The following PDE3B variants were observed in gnomAD, a reference collection of about 807,000 sequenced individuals.
PDE3B encodes cGMP-inhibited 3',5'-cyclic phosphodiesterase 3B.
Under a neutral mutation model 116.8 loss-of-function variants are expected in PDE3B, and 66 were observed. That is an observed-to-expected ratio of 0.56 (90% CI 0.46 to 0.69). The LOEUF is 0.69. PDE3B is among the 30% of genes least tolerant of loss of function. The pLI is 0.00. For missense variants in PDE3B, 1,384 were observed against 1,368.1 expected (o/e 1.01, Z -0.18); for synonymous variants, 595 against 533.6 (o/e 1.12, Z -1.59).
the PDE3B span, chr11:14,891,718 C>T: frequency 4.0e-6 from 5 of 1,265,326 alleles, no homozygotes; most frequent in Non-Finnish European, 5.0e-6. Context: ...CGAGCGGTAG[C>T]GGGAAAATCA....
At chr11:14,674,513 C>A (rs1301136187) in intron 1 of PDE3B, 8 of 523,654 alleles carry the variant, frequency 1.5e-5, no homozygotes, top group Non-Finnish European at 3.0e-5. Flanking sequence ...AGCACTCACT[C>A]AACCTCCTGG....
At chr11:14,759,906 GC>G (rs1333184524) in intron 1 of PDE3B, among the ~76,000 whole-genome samples, 1 of 152,068 alleles carries the variant, frequency 6.6e-6, no homozygotes, top group Non-Finnish European at 1.5e-5. Context: ...GTAGTAAGAA[GC>G]CCAGAAGTTA....
chr11:14,677,917 C>CCATT (rs2133790193), intron 1 of PDE3B, among the ~76,000 whole-genome samples: 1 of 152,204 alleles, frequency 6.6e-6, no homozygotes, highest in East Asian at 1.9e-4. Context: ...ACCTGTTTAT[C>CCATT]CATTCATTCA....
the PDE3B span, chr11:14,885,860 C>T: frequency 1.2e-6 from 2 of 1,613,434 alleles, no homozygotes; most frequent in South Asian, 2.2e-5. Flanking sequence ...CATTCCTTTA[C>T]TACATCATAG....
chr11:14,837,442 C>CT (rs1158642616), intron 11 of PDE3B, among the ~76,000 whole-genome samples: 1 of 152,190 alleles, frequency 6.6e-6, no homozygotes, highest in African/African-American at 2.4e-5. Context: ...AACTAAATGT[C>CT]TAAGTTATCA....
intron 1 of PDE3B, among the ~76,000 whole-genome samples, chr11:14,657,453 A>C (rs557982884): frequency 6.6e-6 from 1 of 152,222 alleles, no homozygotes; most frequent in South Asian, 2.1e-4. Context: ...AGCTTCTACC[A>C]GTTAGATAGT....
chr11:14,812,776 C>G (rs945568293), intron 5 of PDE3B, among the ~76,000 whole-genome samples: 3 of 151,466 alleles, frequency 2.0e-5, no homozygotes, highest in African/African-American at 7.4e-5. Context: ...AAGGTTATAT[C>G]CAATGCCTTA....
the PDE3B span, chr11:14,890,791 G>A: frequency 9.6e-6 from 8 of 835,338 alleles, no homozygotes; most frequent in Non-Finnish European, 1.0e-5. Context: ...TTCGTGATCC[G>A]CCCGCCTCGG....
At chr11:14,879,153 A>G in the PDE3B span, 165 of 1,613,094 alleles carry the variant, frequency 1.0e-4, no homozygotes, top group Non-Finnish European at 1.3e-4. Flanking sequence ...TTGGCAAAAT[A>G]TCCACTGCTG....
intron 1 of PDE3B, among the ~76,000 whole-genome samples, chr11:14,708,807 A>C (rs1855610851): frequency 1.3e-5 from 2 of 151,944 alleles, no homozygotes; most frequent in African/African-American, 4.8e-5. Flanking sequence ...ATGTAGGTGT[A>C]TGTTAATAAT....
chr11:14,804,035 G>C lies in PDE3B; in HGVS notation c.1507G>C (p.Gly503Arg). The change falls in exon 5 of 16, where the codon GGT becomes CGT. Residue 503 changes from glycine to arginine, a missense_variant. Around this residue, in one of 2 missense-constraint regions of PDE3B, gnomAD observed 956 missense variants for 806.8 expected, o/e 1.18. Transcript: ENST00000282096. ...SSSVSLTHHVGLRRAGVLSSL... is the reference protein window; with the variant it reads ...SSSVSLTHHVRLRRAGVLSSL... ...TTCTGTATCACTGACTCACCATGTA[G>C]GTCTCAGAAGAGCTGGTAAGAAATC... The C allele has an allele frequency of 6.3e-7, 1 of 1,590,540 alleles. No individual in the cohort carries two copies.
intron 4 of PDE3B, among the ~76,000 whole-genome samples, chr11:14,793,221 A>T (rs1858446478): frequency 6.6e-6 from 1 of 152,156 alleles, no homozygotes; most frequent in African/African-American, 2.4e-5. Flanking sequence ...GTTTTAGTAC[A>T]GGTTGAATAT....
At chr11:14,701,609 C>T (rs1165112657) in intron 1 of PDE3B, among the ~76,000 whole-genome samples, 1 of 151,614 alleles carries the variant, frequency 6.6e-6, no homozygotes, top group East Asian at 1.9e-4. Flanking sequence ...TATGGCTCTT[C>T]TACTAATTTT....
Position 14,644,272 on chromosome 11 carries a change from C to G in PDE3B, c.197C>G (p.Pro66Arg). The G allele has an allele frequency of 6.4e-7, 1 of 1,567,238 alleles. No homozygotes were observed. The highest frequency in any genetic ancestry group is 8.6e-7 in the Non-Finnish European group (1 of 1,163,514). Residue 66 changes from proline to arginine, a missense_variant, in exon 1 of 16, where the codon CCC (proline) becomes CGC (arginine). Transcript: ENST00000282096. ...GAGCTGCGGCCGCCGCCGGCCTCTCCCCAGCAGCCGCGGCGCTGCTCCCCC... is the reference window on the plus strand; with the variant it reads ...GAGCTGCGGCCGCCGCCGGCCTCTCGCCAGCAGCCGCGGCGCTGCTCCCCC... ...NVELRPPPAS[P>R]QQPRRCSPFC...
the PDE3B span, among the ~76,000 whole-genome samples, chr11:14,889,117 C>CGGGT: frequency 6.7e-6 from 1 of 150,194 alleles, no homozygotes; most frequent in Non-Finnish European, 1.5e-5. Context: ...AACACAAAGG[C>CGGGT]GGGTGTCACT....
At chr11:14,874,626 G>A (rs1381502789), downstream of PDE3B, among the ~76,000 whole-genome samples, 2 of 151,938 alleles carry the variant, frequency 1.3e-5, no homozygotes, top group Non-Finnish European at 2.9e-5. Flanking sequence ...CTTTACTCTT[G>A]TAAATTGTAC....
chr11:14,821,062 T>C (rs902581868), intron 7 of PDE3B, among the ~76,000 whole-genome samples: 5 of 152,224 alleles, frequency 3.3e-5, no homozygotes. Flanking sequence ...AGGACTTTGA[T>C]GAGATTGCAG....
At chr11:14,784,351 A>G (rs1363606901) in intron 2 of PDE3B, among the ~76,000 whole-genome samples, 3 of 152,256 alleles carry the variant, frequency 2.0e-5, no homozygotes, top group Non-Finnish European at 1.5e-5. Context: ...AACAAAAATT[A>G]TAACATCATC....
chr11:14,686,176 A>G (rs1396285202), intron 1 of PDE3B, among the ~76,000 whole-genome samples: 1 of 152,190 alleles, frequency 6.6e-6, no homozygotes, highest in Non-Finnish European at 1.5e-5. Flanking sequence ...AAATTCTTTT[A>G]AATTTAAAAA....
Sources: allele counts gnomAD v4.1 joint callset (sites outside exome capture counted in the v4.1 genomes callset), GRCh38; gene constraint gnomAD v4.1.1; regional missense constraint gnomAD v4.1.1; transcripts MANE v1.5; gene names NCBI Gene and HGNC (gene_info 2026-07-23, HGNC 2026-07-21).